The following EIF5 variants were observed in gnomAD, a reference collection of about 807,000 sequenced individuals.
The protein encoded by EIF5 is eukaryotic translation initiation factor 5.
A neutral mutation model predicts 48.3 loss-of-function variants in EIF5; 10 were observed. That is an observed-to-expected ratio of 0.21 (90% CI 0.13 to 0.35). EIF5 has a LOEUF of 0.35. Among genes scored for constraint, EIF5 ranks in the 10% least tolerant of loss-of-function variants. The pLI, the probability that EIF5 is intolerant of heterozygous loss-of-function variation, is 1.00. For synonymous variants in EIF5, 237 were observed against 173.1 expected (o/e 1.37, Z -2.90); for missense variants, 397 against 533.2 (o/e 0.74, Z 2.51).
chr14:103,344,751 T>TA lies in EIF5; in HGVS notation c.*3704dup. ...TAGGAGAGTAGAAAACACAATTAACTAAAAAGCAGGGACATCTGAAAGAGA... is the reference window on the plus strand; with the variant it reads ...TAGGAGAGTAGAAAACACAATTAACTAAAAAAGCAGGGACATCTGAAAGAGA... On this transcript the variant is annotated 3_prime_UTR_variant, in exon 12 of 12. Transcript: ENST00000216554. 1 of 151,998 alleles carries TA rather than the reference T, an allele frequency of 6.6e-6. No homozygotes were observed. Among genetic ancestry groups the TA allele is most frequent in the Non-Finnish European group, 1.5e-5 (1 of 67,990 alleles). 9.4% of individuals were successfully genotyped at this position (151,998 alleles called of 1,614,324 possible). A position where few individuals can be genotyped will look rare whatever the true frequency, so the allele number is the denominator to read the frequency against.
At chr14:103,335,026 G>A (rs1470660638) in intron 2 of EIF5, 3 of 152,242 alleles carry the variant, frequency 2.0e-5, no homozygotes, top group Non-Finnish European at 2.9e-5. Context: ...CCGCGGAAAC[G>A]CCTCGGAGCG....
intron 8 of EIF5, 81 bp downstream of exon 8, chr14:103,338,974 A>G: frequency 6.5e-7 from 1 of 1,537,508 alleles, no homozygotes; most frequent in South Asian, 1.3e-5. Flanking sequence ...TTAGCAGTGT[A>G]ATTAGGATTA....
At position 103,338,835 on chromosome 14, in the gene EIF5, G is replaced by C; in HGVS notation, c.686G>C (p.Ser229Thr). ...ISDHAKVLTL[S>T]DDLERTIEER... ...GACCATGCAAAAGTTCTGACACTCA[G>C]TGATGATTTGGAAAGAACAATTGAG... Residue 229 changes from serine to threonine, a missense_variant, in exon 8 of 12, where the codon AGT (serine) becomes ACT (threonine). Physicochemically the swap from Ser to Thr is moderately conservative, Grantham distance 58. This residue lies in a region of EIF5 where 126 missense variants were observed against 141.9 expected (regional missense o/e 0.89). Transcript: ENST00000216554. 1 of 1,614,212 alleles carries C rather than the reference G, an allele frequency of 6.2e-7. No homozygotes were observed. Among genetic ancestry groups the C allele is most frequent in the Non-Finnish European group, 8.5e-7 (1 of 1,180,032 alleles).
At chr14:103,337,738 T>C (rs1199264998) in intron 6 of EIF5, 3 of 424,514 alleles carry the variant, frequency 7.1e-6, no homozygotes, top group African/African-American at 4.1e-5. Flanking sequence ...ATTAAGACAT[T>C]ATCTGAGGGT....
rs2089395595 is a variant in EIF5, at chr14:103,344,825, A to G, written c.*3773A>G. The G allele has an allele frequency of 6.6e-6, 1 of 152,236 alleles. No homozygotes were observed. The highest frequency in any genetic ancestry group is 2.1e-4 in the South Asian group (1 of 4,834). 9.4% of individuals were successfully genotyped at this position (152,236 alleles called of 1,614,324 possible). A position where few individuals can be genotyped will look rare whatever the true frequency, so the allele number is the denominator to read the frequency against. On this transcript the variant is annotated 3_prime_UTR_variant, in exon 12 of 12. Transcript: ENST00000216554. Reference sequence around the variant, plus strand: ...AATCCAAATGAAAGTAAATGGAATAAATGTATCAGGTAAAGGACAAGTTGT... The same window carrying G: ...AATCCAAATGAAAGTAAATGGAATAGATGTATCAGGTAAAGGACAAGTTGT...
chr14:103,341,279 TTTTTGAAAAACTAGTG>T lies in EIF5; in HGVS notation c.*228_*243del. On this transcript the variant is annotated 3_prime_UTR_variant, in exon 12 of 12. Transcript: ENST00000216554. ...AGTTTGCTTATTTATAGCATGTTTCTTTTTGAAAAACTAGTGGTGGACACATTTGGATCACATTTAT... is the reference window on the plus strand; with the variant it reads ...AGTTTGCTTATTTATAGCATGTTTCTGTGGACACATTTGGATCACATTTAT... 2.2e-6 allele frequency: 1 copy of T among 446,158 alleles called. No homozygotes were observed. Among genetic ancestry groups the T allele is most frequent in the Non-Finnish European group, 4.1e-6 (1 of 243,110 alleles). 27.6% of individuals were successfully genotyped at this position (446,158 alleles called of 1,614,324 possible). A position where few individuals can be genotyped will look rare whatever the true frequency, so the allele number is the denominator to read the frequency against.
chr14:103,340,453 A>G lies in EIF5; in HGVS notation c.1098A>G (p.Glu366=), dbSNP rs780971088. 1 of 1,606,704 alleles carries G rather than the reference A, an allele frequency of 6.2e-7. No homozygotes were observed. Among genetic ancestry groups the G allele is most frequent in the East Asian group, 2.2e-5 (1 of 44,672 alleles). ...EKASKKYVSK[E]LAKEIRVKAE... Reference sequence around the variant, plus strand: ...CCTCTAAGAAATATGTCTCCAAAGAACTTGCCAAAGAGATTCGTGTCAAAG... The same window carrying G: ...CCTCTAAGAAATATGTCTCCAAAGAGCTTGCCAAAGAGATTCGTGTCAAAG... The change falls in exon 11 of 12, where the codon GAA becomes GAG. Residue 366 remains glutamate (E), a synonymous_variant. Transcript: ENST00000216554.
rs2089291372 is a variant in EIF5 at position 103,336,727 on chromosome 14, G to A, written c.205G>A (p.Val69Ile). Residue 69 changes from valine (V) to isoleucine (I), a missense_variant, in exon 5 of 12, where the codon GTT (valine) becomes ATT (isoleucine). By Grantham distance (29) the Val-to-Ile change is conservative. Coordinates refer to ENST00000216554, the MANE Select transcript of EIF5 (RefSeq NM_001969.5). The part of the protein sequence containing the change: ...CELGAQTQFD[V>I]KNDRYIVNGS... Reference sequence around the variant, plus strand: ...GCTGGGAGCACAGACCCAGTTTGATGTTAAGAATGACCGTTACATTGTCAA... The same window carrying A: ...GCTGGGAGCACAGACCCAGTTTGATATTAAGAATGACCGTTACATTGTCAA... The A allele has an allele frequency of 6.2e-7, 1 of 1,614,000 alleles. No individual in the cohort carries two copies.
In EIF5 at chr14:103,336,816, C is replaced by G. The variant is rs1400097346; in HGVS notation, c.294C>G (p.Leu98=). 1 of 1,613,924 alleles carries G rather than the reference C, an allele frequency of 6.2e-7. No homozygotes were observed. The highest frequency in any genetic ancestry group is 8.5e-7 in the Non-Finnish European group (1 of 1,179,948). ...ATGGATTCATTAAAAAATTTGTTCT[C>G]TGTCCTGAATGTGAGAATCCTGAAA... The part of the protein sequence containing the change: ...MLDGFIKKFV[L]CPECENPETD... Residue 98 remains leucine, a synonymous_variant, in exon 5 of 12, where the codon CTC becomes CTG. Transcript: ENST00000216554.
Position 103,338,162 on chromosome 14 carries a change from A to G in EIF5, c.440-165A>G, listed in dbSNP as rs920893983. The G allele has an allele frequency of 8.6e-6, 8 of 930,894 alleles. No individual in the cohort carries two copies. In the South Asian group the frequency reaches 1.1e-4, roughly 13 times the overall value. The allele number at this position is 930,894 out of a possible 1,614,324, so 57.7% of individuals were successfully genotyped here. A position where few individuals can be genotyped will look rare whatever the true frequency, so the allele number is the denominator to read the frequency against. On this transcript the variant is annotated intron_variant, in intron 6 of 11. Coordinates refer to ENST00000216554, the MANE Select transcript of EIF5 (RefSeq NM_001969.5). Reference sequence around the variant, plus strand: ...ACTAACATTCTTACGTATGAAATACATGATGAATTTGATCTGTGAAGCCTC... The same window carrying G: ...ACTAACATTCTTACGTATGAAATACGTGATGAATTTGATCTGTGAAGCCTC...
At position 103,343,480 on chromosome 14, in the gene EIF5, G is replaced by A. The variant is rs1452607425; in HGVS notation, c.*2428G>A. The A allele has an allele frequency of 6.6e-6, 1 of 152,206 alleles. No individual in the cohort carries two copies. The highest frequency in any genetic ancestry group is 1.5e-5 in the Non-Finnish European group (1 of 68,034). 9.4% of individuals were successfully genotyped at this position (152,206 alleles called of 1,614,324 possible). On this transcript the variant is annotated 3_prime_UTR_variant, in exon 12 of 12. Coordinates refer to ENST00000216554, the MANE Select transcript of EIF5 (RefSeq NM_001969.5). ...TGTATATATCTCTAGTTAAGAATGA[G>A]GGAATGGGGAGGTTTGCTTTCTAAA...
intron 11 of EIF5, 103 bp downstream of exon 11, chr14:103,340,664 C>T: frequency 1.4e-6 from 2 of 1,456,492 alleles, no homozygotes; most frequent in Admixed American, 2.3e-5. Flanking sequence ...GGGGTAATTT[C>T]AGGTTTAGAA....
In EIF5 at chr14:103,340,983, C is replaced by T. The variant is rs746101546; in HGVS notation, c.1227C>T (p.Ala409=). The T allele has an allele frequency of 1.9e-6, 3 of 1,613,932 alleles. No individual in the cohort carries two copies. Among genetic ancestry groups the T allele is most frequent in the East Asian group, 2.2e-5 (1 of 44,892 alleles). ...AACAGGTGGTGTATTCGAAGGCTGC[C>T]AGTGTACCGAAAGTTGAGACTGTAA... ...ENIEVVYSKA[A]SVPKVETVKS... Residue 409 remains alanine, a synonymous_variant, in exon 12 of 12, where the codon GCC becomes GCT. Coordinates refer to ENST00000216554, the MANE Select transcript of EIF5 (RefSeq NM_001969.5).
At chr14:103,339,088 T>G in intron 8 of EIF5, 84 bp from the exon 9 acceptor site, 5 of 1,514,150 alleles carry the variant, frequency 3.3e-6, no homozygotes, top group Non-Finnish European at 4.4e-6. Flanking sequence ...GAAAAATATG[T>G]TCATCAGAGC....
rs1032547058 is a variant in EIF5 at position 103,341,749 on chromosome 14, T to C, written c.*697T>C. The stretch of plus-strand genomic sequence containing the variant: ...ATGTACACTTGCCCCAAATTGTCTT[T>C]GAAGTCGTGTGCATTGCACGTTGGA... On this transcript the variant is annotated 3_prime_UTR_variant, in exon 12 of 12. Coordinates refer to ENST00000216554, the MANE Select transcript of EIF5 (RefSeq NM_001969.5). The C allele has an allele frequency of 3.1e-4, 48 of 152,602 alleles. No individual in the cohort carries two copies. The highest frequency in any genetic ancestry group is 1.1e-3 in the African/African-American group (45 of 41,582). The allele number at this position is 152,602 out of a possible 1,614,324, so 9.5% of individuals were successfully genotyped here.
At chr14:103,337,395 A>G (rs2089299855) in intron 6 of EIF5, 168 bp downstream of exon 6, 4 of 589,050 alleles carry the variant, frequency 6.8e-6, no homozygotes, top group Non-Finnish European at 1.2e-5. Flanking sequence ...ACTTGAGGCC[A>G]GGAGTTCAAG....
chr14:103,338,622 G>A (rs1191197620), intron 7 of EIF5, 113 bp from the exon 8 acceptor site: 1 of 1,520,696 alleles, frequency 6.6e-7, no homozygotes, highest in Non-Finnish European at 8.8e-7. Context: ...TTGAATTAAG[G>A]TGAACCCAAT....
At chr14:103,334,305 C>T (rs2089254889) in intron 1 of EIF5, 45 bp downstream of exon 1, 1 of 152,298 alleles carries the variant, frequency 6.6e-6, no homozygotes. Flanking sequence ...GCTTCCCGCC[C>T]CCTCGACCCC....
At position 103,336,696 on chromosome 14, in the gene EIF5, T is replaced by C. The variant is rs2089291087; in HGVS notation, c.174T>C (p.Gly58=). 1 of 1,610,086 alleles carries C rather than the reference T, an allele frequency of 6.2e-7. No homozygotes were observed. Among genetic ancestry groups the C allele is most frequent in the East Asian group, 2.2e-5 (1 of 44,842 alleles). The change falls in exon 5 of 12, where the codon GGT becomes GGC. Residue 58 remains glycine, a synonymous_variant. Coordinates refer to ENST00000216554, the MANE Select transcript of EIF5 (RefSeq NM_001969.5). ...RPPTYPTKYF[G]CELGAQTQFD... is the part of the protein sequence containing the mutation. ...AAATAGATCCCACCAAATATTTTGG[T>C]TGTGAGCTGGGAGCACAGACCCAGT...
Sources: allele counts gnomAD v4.1 joint callset, GRCh38; gene constraint gnomAD v4.1.1; regional missense constraint gnomAD v4.1.1; transcripts MANE v1.5; gene names NCBI Gene and HGNC (gene_info 2026-07-23, HGNC 2026-07-21).